Variants in CPNE4 observed in about 807,000 individuals in gnomAD.
The protein encoded by CPNE4 is copine-4.
In CPNE4, 25 loss-of-function variants were observed where a neutral mutation model predicts 67.9. That is an observed-to-expected ratio of 0.37 (90% CI 0.27 to 0.51). The LOEUF (loss-of-function observed/expected upper bound fraction) is 0.51. CPNE4 is among the 20% of genes least tolerant of loss of function. The probability of loss-of-function intolerance (pLI) is 0.93; values close to 1 mark genes in which losing one functional copy is unlikely to be tolerated. For synonymous variants in CPNE4, 242 were observed against 244.9 expected (o/e 0.99, Z 0.11); for missense variants, 464 against 690.8 (o/e 0.67, Z 3.68).
At chr3:131,643,172 G>T (rs2079579795) in intron 7 of CPNE4, among the ~76,000 whole-genome samples, 1 of 152,206 alleles carries the variant, frequency 6.6e-6, no homozygotes, top group African/African-American at 2.4e-5. Context: ...GAATAAAGGT[G>T]ATTTCTGCTA....
intron 15 of CPNE4, among the ~76,000 whole-genome samples, chr3:131,540,251 C>T (rs773385288): frequency 6.6e-6 from 1 of 152,196 alleles, no homozygotes; most frequent in Admixed American, 6.5e-5. Context: ...AATTACACTG[C>T]AGCCCTCCTT....
At chr3:131,958,482 G>A (rs763903527) in intron 1 of CPNE4, among the ~76,000 whole-genome samples, 4 of 152,096 alleles carry the variant, frequency 2.6e-5, no homozygotes, top group Non-Finnish European at 4.4e-5. Flanking sequence ...CGATTCTGAT[G>A]CAGTTGATGT....
intron 15 of CPNE4, among the ~76,000 whole-genome samples, chr3:131,538,476 A>G (rs78170453): frequency 2.0e-5 from 3 of 152,208 alleles, no homozygotes; most frequent in Non-Finnish European, 4.4e-5. Context: ...TGGTAATAAC[A>G]GTAATAAAAG....
At chr3:131,647,579 G>T (rs955802345) in intron 7 of CPNE4, among the ~76,000 whole-genome samples, 1 of 152,282 alleles carries the variant, frequency 6.6e-6, no homozygotes, top group East Asian at 1.9e-4. Context: ...TTCATATGAA[G>T]ATCCTAGAGG....
At chr3:131,994,507 A>C (rs112730606) in intron 1 of CPNE4, among the ~76,000 whole-genome samples, 1,037 of 85,872 alleles carry the variant, frequency 0.012, 62 homozygotes, top group African/African-American at 0.028. Context: ...CAGGCAATTC[A>C]ATTTATATGC....
At chr3:131,956,410 G>C (rs1020280717) in intron 1 of CPNE4, among the ~76,000 whole-genome samples, 2 of 152,066 alleles carry the variant, frequency 1.3e-5, no homozygotes, top group Non-Finnish European at 2.9e-5. Context: ...AAGGATGTTG[G>C]TTTACTGAGG....
At chr3:131,591,940 C>T (rs989040981) in intron 7 of CPNE4, among the ~76,000 whole-genome samples, 1 of 152,166 alleles carries the variant, frequency 6.6e-6, no homozygotes, top group African/African-American at 2.4e-5. Context: ...AGCATAGCAC[C>T]TCAAAACTAT....
At chr3:131,830,081 T>C (rs2085308767) in intron 2 of CPNE4, among the ~76,000 whole-genome samples, 1 of 152,126 alleles carries the variant, frequency 6.6e-6, no homozygotes, top group Non-Finnish European at 1.5e-5. Context: ...GCTTAGAAGA[T>C]TGCATTAAAA....
chr3:131,799,636 TC>T (rs1242291668), intron 2 of CPNE4, among the ~76,000 whole-genome samples: 1 of 152,190 alleles, frequency 6.6e-6, no homozygotes, highest in Non-Finnish European at 1.5e-5. Flanking sequence ...TGAATGAGGC[TC>T]TATCACTAAA....
intron 2 of CPNE4, among the ~76,000 whole-genome samples, chr3:131,794,553 T>C (rs1426096032): frequency 6.6e-6 from 1 of 152,148 alleles, no homozygotes; most frequent in African/African-American, 2.4e-5. Flanking sequence ...GGACACTGCA[T>C]TTCTAGGGAT....
chr3:131,604,045 T>C (rs995935249), intron 7 of CPNE4, among the ~76,000 whole-genome samples: 2 of 152,156 alleles, frequency 1.3e-5, no homozygotes, highest in Admixed American at 1.3e-4. Flanking sequence ...TTGATCAACT[T>C]TGGAAGAGTA....
At chr3:131,642,697 G>A (rs551871955) in intron 7 of CPNE4, among the ~76,000 whole-genome samples, 2 of 152,226 alleles carry the variant, frequency 1.3e-5, no homozygotes, top group East Asian at 1.9e-4. Context: ...TATGATATCC[G>A]ATGGTTTTAT....
intron 1 of CPNE4, among the ~76,000 whole-genome samples, chr3:132,027,144 T>C (rs754992852): frequency 6.6e-6 from 1 of 152,208 alleles, no homozygotes; most frequent in Non-Finnish European, 1.5e-5. Context: ...TGGGGTTCAG[T>C]TGTGAGCAAG....
At chr3:131,866,260 C>G (rs1583362638) in intron 2 of CPNE4, among the ~76,000 whole-genome samples, 1 of 152,112 alleles carries the variant, frequency 6.6e-6, no homozygotes, top group Admixed American at 6.6e-5. Flanking sequence ...GTGATGCAAA[C>G]TCATCACAGG....
At chr3:131,626,976 C>T (rs1019105756) in intron 7 of CPNE4, among the ~76,000 whole-genome samples, 1 of 151,958 alleles carries the variant, frequency 6.6e-6, no homozygotes, top group Non-Finnish European at 1.5e-5. Context: ...GGGTGGATCA[C>T]GAGGTCAGGA....
chr3:131,761,120 G>A (rs1375921552), intron 2 of CPNE4, among the ~76,000 whole-genome samples: 1 of 146,122 alleles, frequency 6.8e-6, no homozygotes, highest in Admixed American at 6.9e-5. Context: ...CCCTCAAGAG[G>A]GAGGAGACAG....
chr3:131,547,950 C>G (rs1343190771), intron 14 of CPNE4, among the ~76,000 whole-genome samples: 2 of 152,106 alleles, frequency 1.3e-5, no homozygotes, highest in Admixed American at 1.3e-4. Flanking sequence ...GAGTCTAAAA[C>G]AAAATTTTGC....
chr3:131,741,789 G>A (rs532551715), intron 2 of CPNE4, among the ~76,000 whole-genome samples: 2 of 152,244 alleles, frequency 1.3e-5, no homozygotes, highest in East Asian at 1.9e-4. Context: ...TGCAGAGGCT[G>A]AAAATGCCAG....
chr3:131,867,526 G>T (rs78888081), intron 2 of CPNE4, among the ~76,000 whole-genome samples: 1 of 49,370 alleles, frequency 2.0e-5, no homozygotes, highest in Non-Finnish European at 4.0e-5. Context: ...GCATGCGGGT[G>T]GGGGGTCTCC....
Sources: allele counts gnomAD v4.1 joint callset (sites outside exome capture counted in the v4.1 genomes callset), GRCh38; gene constraint gnomAD v4.1.1; transcripts MANE v1.5; gene names NCBI Gene and HGNC (gene_info 2026-07-23, HGNC 2026-07-21).